The following STAG1 variants were observed in gnomAD, a reference collection of about 807,000 sequenced individuals.
The protein encoded by STAG1 is STAG1 cohesin complex component, also known as cohesin subunit SA-1.
Under a neutral mutation model 170.9 loss-of-function variants are expected in STAG1, and 26 were observed. The ratio of observed to expected loss-of-function variants is 0.15; its 90% CI spans 0.11 to 0.21. The LOEUF is 0.21. Ranked by LOEUF, STAG1 falls within the 10% of genes least tolerant of loss-of-function variation. The pLI is 1.00. For synonymous variants in STAG1, 514 were observed against 497.7 expected, an observed-to-expected ratio of 1.03 and a Z score of -0.44; for missense variants, 964 against 1,509.5, an observed-to-expected ratio of 0.64 and a Z score of 5.99.
intron 1 of STAG1, among the ~76,000 whole-genome samples, chr3:136,648,527 T>G (rs1057285700): frequency 6.6e-6 from 1 of 152,236 alleles, no homozygotes; most frequent in African/African-American, 2.4e-5. Context: ...CAAATTGAGC[T>G]TCTTTTCTAA....
chr3:136,368,956 G>A, intron 24 of STAG1, 152 bp downstream of exon 24: 1 of 572,638 alleles, frequency 1.7e-6, no homozygotes, highest in East Asian at 3.4e-5. Context: ...CTCCTAAAGT[G>A]CTAGGATTAC....
At chr3:136,614,719 T>G (rs1046521153) in intron 3 of STAG1, among the ~76,000 whole-genome samples, 3 of 152,204 alleles carry the variant, frequency 2.0e-5, no homozygotes, top group Non-Finnish European at 4.4e-5. Flanking sequence ...TCCCAAATAC[T>G]CTATTCCAAA....
intron 7 of STAG1, chr3:136,518,186 C>T: frequency 2.4e-6 from 1 of 413,682 alleles, no homozygotes; most frequent in Non-Finnish European, 4.3e-6. Flanking sequence ...ACTGATAAGA[C>T]CACTCTGATG....
chr3:136,577,177 A>AC (rs1344745157), intron 4 of STAG1, among the ~76,000 whole-genome samples: 1 of 152,214 alleles, frequency 6.6e-6, no homozygotes, highest in Non-Finnish European at 1.5e-5. Context: ...TTTTAAGTAC[A>AC]CCTGAGTATT....
Position 136,715,069 on chromosome 3 carries a change from G to A in STAG1, c.-84+37126C>T, listed in dbSNP as rs557247994. ...AATTGTTCTTTTAGAGGAAAGGGAG[G>A]GTACCGTATGAAATACAAAGGGGCG... On this transcript the variant is annotated intron_variant, in intron 1 of 33. Coordinates refer to ENST00000383202, the MANE Select transcript of STAG1 (RefSeq NM_005862.3). Among the ~76,000 whole-genome samples, 185 of 142,422 alleles carry A rather than the reference G, an allele frequency of 1.3e-3. 1 individual carries two copies. The highest frequency in any genetic ancestry group is 4.7e-3 in the African/African-American group (180 of 38,608). 93.4% of individuals were successfully genotyped at this position (142,422 alleles called of 152,430 possible).
At chr3:136,500,458 T>C (rs552878200) in intron 8 of STAG1, among the ~76,000 whole-genome samples, 162 bp from the exon 9 acceptor site, 13 of 152,224 alleles carry the variant, frequency 8.5e-5, no homozygotes, top group Non-Finnish European at 1.8e-4. Context: ...TTTCCATTAT[T>C]CCTTTACATT....
At chr3:136,670,432 G>T (rs1340427699) in intron 1 of STAG1, among the ~76,000 whole-genome samples, 1 of 152,094 alleles carries the variant, frequency 6.6e-6, no homozygotes, top group Non-Finnish European at 1.5e-5. Flanking sequence ...TATAAGAAAA[G>T]AACCAAAAAA....
intron 1 of STAG1, among the ~76,000 whole-genome samples, chr3:136,634,244 C>G (rs1479922250): frequency 6.6e-6 from 1 of 151,974 alleles, no homozygotes; most frequent in East Asian, 1.9e-4. Flanking sequence ...TCCAGCTACT[C>G]TATTCGAGAG....
intron 16 of STAG1, among the ~76,000 whole-genome samples, chr3:136,433,327 G>A (rs751014700): frequency 5.3e-5 from 8 of 151,568 alleles, no homozygotes; most frequent in African/African-American, 9.7e-5. Flanking sequence ...TATAAAATAC[G>A]TAAGTACAAT....
chr3:136,355,747 G>A (rs1186737886), intron 28 of STAG1, among the ~76,000 whole-genome samples: 2 of 152,086 alleles, frequency 1.3e-5, no homozygotes, highest in African/African-American at 4.8e-5. Context: ...TGACCACAAT[G>A]AAATGAAGAA....
At chr3:136,725,576 G>T (rs540367554) in intron 1 of STAG1, among the ~76,000 whole-genome samples, 1 of 152,292 alleles carries the variant, frequency 6.6e-6, no homozygotes, top group South Asian at 2.1e-4. Flanking sequence ...TGACTTATGG[G>T]ATATGAGAAC....
At chr3:136,547,656 A>G (rs371069730) in intron 5 of STAG1, among the ~76,000 whole-genome samples, 6 of 152,262 alleles carry the variant, frequency 3.9e-5, no homozygotes, top group African/African-American at 1.4e-4. Flanking sequence ...CATGGTTGTC[A>G]CATATTGCAG....
chr3:136,547,937 T>A (rs1330778302), intron 5 of STAG1, among the ~76,000 whole-genome samples: 3 of 152,204 alleles, frequency 2.0e-5, no homozygotes, highest in Non-Finnish European at 4.4e-5. Context: ...TTCTTTTGCA[T>A]GTAGATATCC....
At chr3:136,541,930 T>G (rs1472474160) in intron 6 of STAG1, among the ~76,000 whole-genome samples, 189 bp downstream of exon 6, 2 of 152,130 alleles carry the variant, frequency 1.3e-5, no homozygotes, top group African/African-American at 4.8e-5. Context: ...TATTCAATAC[T>G]CCACACAACA....
intron 12 of STAG1, among the ~76,000 whole-genome samples, chr3:136,468,310 AAG>A (rs2089527795): frequency 6.6e-6 from 1 of 152,210 alleles, no homozygotes; most frequent in African/African-American, 2.4e-5. Context: ...CGCAATAAAA[AAG>A]GATAAAGGGG....
intron 10 of STAG1, among the ~76,000 whole-genome samples, chr3:136,476,922 A>G (rs1190904912): frequency 2.6e-5 from 4 of 152,166 alleles, no homozygotes; most frequent in Non-Finnish European, 4.4e-5. Context: ...CTCTACTATG[A>G]TATGGTCCTA....
intron 13 of STAG1, among the ~76,000 whole-genome samples, chr3:136,458,095 C>T (rs1368547774): frequency 6.6e-6 from 1 of 152,128 alleles, no homozygotes; most frequent in African/African-American, 2.4e-5. Flanking sequence ...ACTTTACAAT[C>T]AAAGTTATTA....
At chr3:136,690,056 C>CAAAAAAAAA (rs57082567) in intron 1 of STAG1, among the ~76,000 whole-genome samples, 18 of 56,352 alleles carry the variant, frequency 3.2e-4, no homozygotes, top group African/African-American at 4.6e-4. Flanking sequence ...AAAAGCAAAC[C>CAAAAAAAAA]AAAAAAAAAA....
intron 4 of STAG1, among the ~76,000 whole-genome samples, chr3:136,570,388 T>C (rs1937226297): frequency 1.3e-5 from 2 of 152,230 alleles, no homozygotes; most frequent in African/African-American, 4.8e-5. Flanking sequence ...TTTTTTACAT[T>C]GCTGAATATT....
Sources: gnomAD v4.1 joint callset for allele counts (sites outside exome capture counted in the v4.1 genomes callset) on GRCh38, gnomAD v4.1.1 for gene constraint, MANE v1.5 for transcripts, NCBI Gene and HGNC (gene_info 2026-07-23, HGNC 2026-07-21) for gene names.